Variants in ROR1 observed in about 807,000 individuals in gnomAD.
ROR1 encodes the protein inactive tyrosine-protein kinase transmembrane receptor ROR1.
Under a neutral mutation model 78.8 loss-of-function variants are expected in ROR1, and 19 were observed. That is an observed-to-expected ratio of 0.24 (90% CI 0.17 to 0.35). ROR1 has a LOEUF of 0.35. ROR1 is among the 10% of genes least tolerant of loss of function. The pLI is 1.00. For synonymous variants in ROR1, 386 were observed against 433.6 expected (o/e 0.89, Z 1.36); for missense variants, 917 against 1,177.8 (o/e 0.78, Z 3.24).
chr1:63,863,552 T>C (rs980700596), intron 1 of ROR1, among the ~76,000 whole-genome samples: 4 of 152,194 alleles, frequency 2.6e-5, no homozygotes, highest in Admixed American at 2.0e-4. Flanking sequence ...TCTGTGATAA[T>C]GCAAAGCTGT....
chr1:63,890,654 AAAG>A (rs1469076697), intron 1 of ROR1, among the ~76,000 whole-genome samples: 2 of 152,026 alleles, frequency 1.3e-5, no homozygotes, highest in South Asian at 4.2e-4. Context: ...GAGTTTGCTA[AAAG>A]AAGAAGCAAG....
chr1:63,963,371 C>T (rs1191099973), intron 1 of ROR1, among the ~76,000 whole-genome samples: 1 of 151,686 alleles, frequency 6.6e-6, no homozygotes, highest in Non-Finnish European at 1.5e-5. Flanking sequence ...AGTTTGATAC[C>T]AGCCTGACCA....
At chr1:63,838,014 G>A (rs926613298) in intron 1 of ROR1, among the ~76,000 whole-genome samples, 3 of 152,106 alleles carry the variant, frequency 2.0e-5, no homozygotes, top group African/African-American at 7.2e-5. Flanking sequence ...TAATGTTGTA[G>A]TACAGTGTAT....
At chr1:63,916,223 A>G (rs1453682145) in intron 1 of ROR1, among the ~76,000 whole-genome samples, 1 of 152,216 alleles carries the variant, frequency 6.6e-6, no homozygotes, top group African/African-American at 2.4e-5. Context: ...TAACTGCAAA[A>G]TGATCCATCT....
intron 1 of ROR1, among the ~76,000 whole-genome samples, chr1:63,805,532 T>C (rs1341305719): frequency 3.9e-5 from 6 of 152,194 alleles, no homozygotes; most frequent in Non-Finnish European, 4.4e-5. Context: ...GGAGTGAAAC[T>C]AGCCAGAGTG....
At chr1:63,917,547 C>G (rs1645618392) in intron 1 of ROR1, among the ~76,000 whole-genome samples, 1 of 152,142 alleles carries the variant, frequency 6.6e-6, no homozygotes, top group South Asian at 2.1e-4. Flanking sequence ...TTGCTAGACT[C>G]AAATCAGATT....
chr1:63,835,295 C>T (rs765025686), intron 1 of ROR1, among the ~76,000 whole-genome samples: 11 of 152,174 alleles, frequency 7.2e-5, no homozygotes, highest in Non-Finnish European at 1.5e-4. Flanking sequence ...CCATCTGGTA[C>T]AGTGCCAGAC....
chr1:63,869,462 A>G (rs1325911395), intron 1 of ROR1, among the ~76,000 whole-genome samples: 4 of 151,980 alleles, frequency 2.6e-5, no homozygotes, highest in East Asian at 1.9e-4. Flanking sequence ...GCACCTTACT[A>G]TTTTTTGTCA....
chr1:63,877,186 A>G (rs939212863), intron 1 of ROR1, among the ~76,000 whole-genome samples: 2 of 152,138 alleles, frequency 1.3e-5, no homozygotes, highest in African/African-American at 2.4e-5. Context: ...CCAAGACCCA[A>G]TCAGTTAATA....
intron 1 of ROR1, among the ~76,000 whole-genome samples, chr1:64,003,842 C>G (rs997799896): frequency 3.9e-5 from 6 of 152,230 alleles, no homozygotes; most frequent in East Asian, 1.9e-4. Flanking sequence ...GGGCTAAAAG[C>G]CTTCACCAAA....
intron 1 of ROR1, among the ~76,000 whole-genome samples, chr1:63,864,484 C>T (rs1645202803): frequency 6.6e-6 from 1 of 152,116 alleles, no homozygotes; most frequent in Admixed American, 6.5e-5. Context: ...GTGCCAAATG[C>T]ATTTATGAGT....
intron 1 of ROR1, among the ~76,000 whole-genome samples, chr1:63,777,275 T>A (rs891032400): frequency 1.3e-5 from 2 of 152,200 alleles, no homozygotes; most frequent in Non-Finnish European, 2.9e-5. Flanking sequence ...TTTGCTATCA[T>A]TTTGTAAACC....
intron 1 of ROR1, among the ~76,000 whole-genome samples, chr1:63,867,501 A>G (rs748663823): frequency 1.3e-5 from 2 of 152,220 alleles, no homozygotes; most frequent in Admixed American, 6.5e-5. Context: ...TGTGAAATCC[A>G]TGAAAAGATA....
At chr1:64,030,087 G>A (rs1569578750) in intron 2 of ROR1, among the ~76,000 whole-genome samples, 5 of 152,002 alleles carry the variant, frequency 3.3e-5, no homozygotes, top group African/African-American at 1.2e-4. Flanking sequence ...ATATACTTAA[G>A]CTCCTTGAAG....
intron 7 of ROR1, among the ~76,000 whole-genome samples, chr1:64,157,681 G>A (rs1158701215): frequency 1.3e-5 from 2 of 152,236 alleles, no homozygotes; most frequent in South Asian, 2.1e-4. Flanking sequence ...GACCTTTTGG[G>A]TCTTTTCATC....
intron 1 of ROR1, among the ~76,000 whole-genome samples, chr1:63,896,477 C>T (rs1474856493): frequency 6.6e-6 from 1 of 152,186 alleles, no homozygotes; most frequent in Non-Finnish European, 1.5e-5. Context: ...ACTTGGTAGA[C>T]ACTAAAGAAT....
At chr1:64,168,471 C>A (rs546119685) in intron 8 of ROR1, among the ~76,000 whole-genome samples, 18 of 152,178 alleles carry the variant, frequency 1.2e-4, no homozygotes, top group African/African-American at 3.9e-4. Context: ...AGGATAGGAG[C>A]CATGTCTTCT....
chr1:64,016,920 ATT>A (rs138925670), intron 2 of ROR1, among the ~76,000 whole-genome samples: 1 of 148,608 alleles, frequency 6.7e-6, no homozygotes, highest in African/African-American at 2.5e-5. Context: ...AGGGATTATT[ATT>A]TTTTTTTTCT....
At position 64,162,136 on chromosome 1, in the gene ROR1, G is replaced by C. The variant is rs78641131; in HGVS notation, c.1386+2944G>C. Among the ~76,000 whole-genome samples the C allele has an allele frequency of 1.2e-3, 176 of 152,300 alleles. 2 individuals are homozygous for C. In the East Asian group the frequency reaches 0.032, roughly 27 times the overall value. ...GAGGCGAGGATGAAAAAGGAATGAA[G>C]GATAGAAGCCAGTCTGCCCTAGCCT... On this transcript the variant is annotated intron_variant, in intron 8 of 8. Transcript: ENST00000371079.
Sources: allele counts gnomAD v4.1 joint callset (sites outside exome capture counted in the v4.1 genomes callset), GRCh38; gene constraint gnomAD v4.1.1; transcripts MANE v1.5; gene names NCBI Gene and HGNC (gene_info 2026-07-23, HGNC 2026-07-21).